Variants in NELL1 observed in about 807,000 individuals in gnomAD.
NELL1 encodes the protein protein kinase C-binding protein NELL1.
Under a neutral mutation model 107.4 loss-of-function variants are expected in NELL1, and 76 were observed. That is an observed-to-expected ratio of 0.71 (90% CI 0.59 to 0.86). NELL1 has a LOEUF of 0.86. NELL1 is among the 40% of genes least tolerant of loss of function. The pLI is 0.00. For synonymous variants in NELL1, 353 were observed against 341.2 expected, an observed-to-expected ratio of 1.03 and a Z score of -0.38; for missense variants, 1,024 against 1,005.5, an observed-to-expected ratio of 1.02 and a Z score of -0.25.
intron 12 of NELL1, among the ~76,000 whole-genome samples, chr11:20,993,839 C>T (rs10766760): frequency 1.2e-4 from 17 of 146,802 alleles, no homozygotes; most frequent in Non-Finnish European, 2.2e-4. Context: ...ATCCATGGAT[C>T]GGGGGATGGG....
intron 12 of NELL1, among the ~76,000 whole-genome samples, chr11:21,074,960 A>T (rs1037932704): frequency 5.9e-5 from 9 of 152,360 alleles, no homozygotes; most frequent in Admixed American, 5.9e-4. Flanking sequence ...GATTTTAAAA[A>T]TTAATTTTGC....
At chr11:21,337,994 T>A (rs1325888781) in intron 14 of NELL1, among the ~76,000 whole-genome samples, 3 of 151,864 alleles carry the variant, frequency 2.0e-5, no homozygotes, top group Non-Finnish European at 4.4e-5. Context: ...GGTGAATGCA[T>A]CCTAAACTGT....
chr11:21,374,607 TA>T (rs775060024), intron 15 of NELL1, among the ~76,000 whole-genome samples: 1 of 151,978 alleles, frequency 6.6e-6, no homozygotes, highest in Non-Finnish European at 1.5e-5. Context: ...CACCACCTCT[TA>T]AAAAAACGAT....
chr11:20,867,875 G>A (rs776279503), intron 4 of NELL1, among the ~76,000 whole-genome samples: 2 of 152,114 alleles, frequency 1.3e-5, no homozygotes, highest in Non-Finnish European at 2.9e-5. Flanking sequence ...TTGGATATTA[G>A]AAAGAGTCTC....
intron 17 of NELL1, among the ~76,000 whole-genome samples, chr11:21,568,617 CT>C (rs1857026230): frequency 1.3e-5 from 2 of 151,774 alleles, no homozygotes; most frequent in African/African-American, 2.4e-5. Flanking sequence ...ATTCTATAAG[CT>C]TTTTCTAATT....
At chr11:21,255,759 C>A (rs560216948) in intron 14 of NELL1, among the ~76,000 whole-genome samples, 1 of 152,090 alleles carries the variant, frequency 6.6e-6, no homozygotes, top group Non-Finnish European at 1.5e-5. Context: ...CCAATTCATT[C>A]AGGTCTCATT....
chr11:21,439,045 A>G (rs2133843282), intron 15 of NELL1, among the ~76,000 whole-genome samples: 1 of 140,818 alleles, frequency 7.1e-6, no homozygotes, highest in East Asian at 2.1e-4. Context: ...GAGTTGAGGT[A>G]GGACACAGAC....
At chr11:20,998,461 A>G (rs1852140037) in intron 12 of NELL1, among the ~76,000 whole-genome samples, 1 of 152,090 alleles carries the variant, frequency 6.6e-6, no homozygotes, top group African/African-American at 2.4e-5. Context: ...CTCTTAGTTT[A>G]CAATTTTTTT....
intron 12 of NELL1, among the ~76,000 whole-genome samples, chr11:21,062,820 AT>A (rs1565039885): frequency 6.6e-6 from 1 of 151,094 alleles, no homozygotes; most frequent in East Asian, 1.9e-4. Flanking sequence ...TTGTTTGTTT[AT>A]TTATTTATTT....
At chr11:21,209,208 C>T (rs1270991545) in intron 13 of NELL1, among the ~76,000 whole-genome samples, 3 of 151,868 alleles carry the variant, frequency 2.0e-5, no homozygotes, top group African/African-American at 7.3e-5. Flanking sequence ...ACATGTCTTT[C>T]AGCCTAAAGC....
At chr11:21,010,568 C>T (rs1263368402) in intron 12 of NELL1, among the ~76,000 whole-genome samples, 1 of 151,968 alleles carries the variant, frequency 6.6e-6, no homozygotes, top group Non-Finnish European at 1.5e-5. Context: ...AATTTAGGAC[C>T]CTGGTTTCCT....
chr11:21,428,237 A>G (rs890788174), intron 15 of NELL1, among the ~76,000 whole-genome samples: 3 of 152,186 alleles, frequency 2.0e-5, no homozygotes, highest in African/African-American at 7.2e-5. Flanking sequence ...AGAACACACC[A>G]AGGCTAACAT....
At chr11:21,542,849 TA>T (rs1479045332) in intron 16 of NELL1, among the ~76,000 whole-genome samples, 1 of 151,952 alleles carries the variant, frequency 6.6e-6, no homozygotes, top group Non-Finnish European at 1.5e-5. Context: ...ATTTGAAAAA[TA>T]AAGAAATTAT....
chr11:20,694,260 C>A (rs186348511), intron 2 of NELL1, among the ~76,000 whole-genome samples: 1 of 152,130 alleles, frequency 6.6e-6, no homozygotes, highest in East Asian at 1.9e-4. Context: ...GTAGTTTGAT[C>A]ATCTGAAGCC....
chr11:20,781,874 CAA>C lies in NELL1; in HGVS notation c.185-1786_185-1785del, dbSNP rs138345829. ...GGAAACCCTGTCTCTACCAAAAATA[CAA>C]AAAAAAAAAAAAAAAAAAAGGCGGG... On this transcript the variant is annotated intron_variant, in intron 2 of 19. Transcript: ENST00000357134. Among the ~76,000 whole-genome samples the C allele has an allele frequency of 2.1e-4, 16 of 77,276 alleles. 1 individual carries two copies. Among genetic ancestry groups the C allele is most frequent in the African/African-American group, 7.6e-4 (14 of 18,450 alleles). The allele number at this position is 77,276 out of a possible 152,430, so 50.7% of individuals were successfully genotyped here.
intron 16 of NELL1, among the ~76,000 whole-genome samples, chr11:21,539,558 TCC>T (rs2133976722): frequency 6.6e-6 from 1 of 151,728 alleles, no homozygotes; most frequent in Admixed American, 6.6e-5. Context: ...AAGACGATCT[TCC>T]CCTGGAGTTT....
chr11:20,945,293 C>G (rs1368098598), intron 10 of NELL1, among the ~76,000 whole-genome samples: 1 of 152,200 alleles, frequency 6.6e-6, no homozygotes, highest in Non-Finnish European at 1.5e-5. Context: ...ACCATGGGCT[C>G]TGGAGCATAC....
chr11:21,381,904 A>ATTT lies in NELL1; in HGVS notation c.1645+10984_1645+10986dup, dbSNP rs149327802. ...AACTTGGGTATGGTCCCTGGAAGGG[A>ATTT]TTTTTTTTTTTTTTTTTTTTTTTTT... On this transcript the variant is annotated intron_variant, in intron 15 of 19. Transcript: ENST00000357134. Among the ~76,000 whole-genome samples the ATTT allele has an allele frequency of 7.4e-4, 68 of 91,368 alleles. 1 individual carries two copies. Among genetic ancestry groups the ATTT allele is most frequent in the African/African-American group, 2.9e-3 (65 of 22,468 alleles). 59.9% of individuals were successfully genotyped at this position (91,368 alleles called of 152,430 possible). A position where few individuals can be genotyped will look rare whatever the true frequency, so the allele number is the denominator to read the frequency against.
intron 2 of NELL1, among the ~76,000 whole-genome samples, chr11:20,702,936 T>A (rs893635587): frequency 5.3e-5 from 8 of 152,238 alleles, no homozygotes; most frequent in Admixed American, 4.6e-4. Flanking sequence ...GATTTTTGCA[T>A]TGATGTTCAT....
Sources: gnomAD v4.1 joint callset for allele counts (sites outside exome capture counted in the v4.1 genomes callset) on GRCh38, gnomAD v4.1.1 for gene constraint, MANE v1.5 for transcripts, NCBI Gene and HGNC (gene_info 2026-07-23, HGNC 2026-07-21) for gene names.